The following SLC5A12 variants were observed in gnomAD, a reference collection of about 807,000 sequenced individuals.
SLC5A12 encodes the protein sodium-coupled monocarboxylate transporter 2.
A neutral mutation model predicts 72.7 loss-of-function variants in SLC5A12; 46 were observed. That is an observed-to-expected ratio of 0.63 (90% CI 0.50 to 0.81). The LOEUF is 0.81. SLC5A12 is among the 30% of genes least tolerant of loss of function. The pLI is 0.00. For missense variants in SLC5A12, 683 were observed against 740.7 expected, an observed-to-expected ratio of 0.92 and a Z score of 0.90; for synonymous variants, 275 against 264.4, an observed-to-expected ratio of 1.04 and a Z score of -0.39.
chr11:26,681,734 G>A (rs1275969361), intron 11 of SLC5A12, among the ~76,000 whole-genome samples: 1 of 151,982 alleles, frequency 6.6e-6, no homozygotes, highest in Non-Finnish European at 1.5e-5. Flanking sequence ...GTCATTTAAG[G>A]TTTATATTTC....
Position 26,708,339 on chromosome 11 carries a change from G to A in SLC5A12, c.525+973C>T, listed in dbSNP as rs1457054525. 3.9e-5 allele frequency among the ~76,000 whole-genome samples: 6 copies of A among 152,074 alleles called. No individual in the cohort carries two copies. In the East Asian group the frequency reaches 1.2e-3, roughly 30 times the overall value. ...GAGTCTATTCTTTTAGCATAGGTGG[G>A]AAGAGTTGAGTGTCTGGAATAGAAT... On this transcript the variant is annotated intron_variant, in intron 4 of 14. Coordinates refer to ENST00000396005, the MANE Select transcript of SLC5A12 (RefSeq NM_178498.4).
rs1426250708 is a variant in SLC5A12 at position 26,678,704 on chromosome 11, T to C, written c.1579+8A>G. 6 of 1,607,326 alleles carry C rather than the reference T, an allele frequency of 3.7e-6. No individual in the cohort carries two copies. Among genetic ancestry groups the C allele is most frequent in the Non-Finnish European group, 4.3e-6 (5 of 1,175,296 alleles). On this transcript the variant is annotated splice_region_variant and intron_variant, in intron 13 of 14. Coordinates refer to ENST00000396005, the MANE Select transcript of SLC5A12 (RefSeq NM_178498.4). The stretch of plus-strand genomic sequence containing the variant: ...TCTTTAGTCCCAAAGGGAGGAATTA[T>C]AACCAACCTGTTATGAGGCTGATGA...
In SLC5A12 at chr11:26,697,170, G is replaced by A. The variant is rs761426943; in HGVS notation, c.1034C>T (p.Thr345Ile). Residue 345 changes from threonine to isoleucine, a missense_variant, in exon 8 of 15, where the codon ACT becomes ATT. Physicochemically the swap from Thr to Ile is moderately conservative, Grantham distance 89 (BLOSUM62 -1). Transcript: ENST00000396005. ...TTGTTGTTGCTATACTAACCTCAGA[G>A]TTCCACTGAAGGCACAAGCCACAAA... ...GLFVACAFSG[T>I]LSTVASSINA... 1 of 1,612,802 alleles carries A rather than the reference G, an allele frequency of 6.2e-7. No individual in the cohort carries two copies. Among genetic ancestry groups the A allele is most frequent in the South Asian group, 1.1e-5 (1 of 90,926 alleles).
At chr11:26,709,050 A>T (rs1028111321) in intron 4 of SLC5A12, 2 of 322,206 alleles carry the variant, frequency 6.2e-6, no homozygotes, top group African/African-American at 4.3e-5. Context: ...TCTAATCAAG[A>T]AGACTTTTTC....
rs115137776 is a variant in SLC5A12, at chr11:26,711,337, C to A, written c.427G>T (p.Val143Leu). The A allele has an allele frequency of 2.4e-3, 3,902 of 1,611,812 alleles. 69 individuals are homozygous for A. In the African/African-American group the frequency reaches 0.043, roughly 18 times the overall value. The part of the protein sequence containing the change: ...VQTILYTGVV[V>L]YAPALALNQV... ...TTGAGTGCCAGGGCAGGAGCATACA[C>A]CACCACTCCTGTGTAGAGAATCTGG... Residue 143 changes from valine (V) to leucine (L), a missense_variant, in exon 3 of 15, where the codon GTG becomes TTG. Transcript: ENST00000396005.
At chr11:26,720,438 T>C (rs1376155973) in intron 1 of SLC5A12, among the ~76,000 whole-genome samples, 2 of 152,076 alleles carry the variant, frequency 1.3e-5, no homozygotes, top group East Asian at 3.8e-4. Flanking sequence ...GAGTGAATAG[T>C]CATAAAAATT....
intron 2 of SLC5A12, among the ~76,000 whole-genome samples, 195 bp downstream of exon 2, chr11:26,712,446 C>CT (rs529516038): frequency 6.6e-6 from 1 of 151,984 alleles, no homozygotes; most frequent in East Asian, 1.9e-4. Flanking sequence ...ACACAAACGG[C>CT]TTTTTTTCCC....
At chr11:26,693,264 G>T (rs886253850) in intron 8 of SLC5A12, among the ~76,000 whole-genome samples, 4 of 152,182 alleles carry the variant, frequency 2.6e-5, no homozygotes, top group Non-Finnish European at 4.4e-5. Flanking sequence ...GTGGGAAAAA[G>T]ATGTTGTAGG....
rs1293297036 is a variant in SLC5A12, at chr11:26,678,814, G to T, written c.1477C>A (p.Pro493Thr). 3.1e-6 allele frequency: 5 copies of T among 1,608,736 alleles called. No individual in the cohort carries two copies. The African/African-American group carries it at 4.0e-5, about 13-fold the overall frequency. Residue 493 changes from proline (P) to threonine (T), a missense_variant and splice_region_variant, in exon 13 of 15, where the codon CCT becomes ACT. By Grantham distance (38) the Pro-to-Thr change is conservative. Transcript: ENST00000396005. ...GAGTACCAGGTATCAGCTATTCCAG[G>T]TCTGTGGAGAACAGCACATGTCACC... ...ATGPPVLSSR[P>T]GIADTWYSIS...
Position 26,669,768 on chromosome 11 carries a change from A to T in SLC5A12, c.*1334T>A, listed in dbSNP as rs1332223718. ...AGAAATATTTAAAGACAACCTTTGG[A>T]TTTCCTTATCCTTGCCTATTTGGAC... is the stretch of plus-strand genomic sequence containing the variant. On this transcript the variant is annotated 3_prime_UTR_variant, in exon 15 of 15. Transcript: ENST00000396005. 3 of 151,986 alleles carry T rather than the reference A, an allele frequency of 2.0e-5. No individual in the cohort carries two copies. Among genetic ancestry groups the T allele is most frequent in the African/African-American group, 7.2e-5 (3 of 41,386 alleles). The allele number at this position is 151,986 out of a possible 1,614,324, so 9.4% of individuals were successfully genotyped here.
chr11:26,681,263 C>T (rs1165553464), intron 11 of SLC5A12, 42 bp from the exon 12 acceptor site: 3 of 1,485,110 alleles, frequency 2.0e-6, no homozygotes, highest in Non-Finnish European at 2.7e-6. Context: ...TTTGGCAAAG[C>T]TGTCTATGGA....
chr11:26,704,010 AG>A (rs1855026896), intron 4 of SLC5A12, 63 bp from the exon 5 acceptor site: 2 of 1,575,258 alleles, frequency 1.3e-6, no homozygotes, highest in Non-Finnish European at 8.7e-7. Flanking sequence ...GGCTCTGCAA[AG>A]CCTCTCTGCT....
intron 2 of SLC5A12, among the ~76,000 whole-genome samples, chr11:26,712,150 G>A (rs962682678): frequency 3.3e-5 from 5 of 152,028 alleles, no homozygotes; most frequent in African/African-American, 4.8e-5. Flanking sequence ...GGAGCAGCAT[G>A]AAGACATCCC....
chr11:26,712,360 T>G (rs531246237), intron 2 of SLC5A12, among the ~76,000 whole-genome samples: 107 of 152,134 alleles, frequency 7.0e-4, no homozygotes, highest in Middle Eastern at 6.8e-3. Flanking sequence ...CCATTTCATA[T>G]CTAATCTAGA....
chr11:26,711,410 A>T, intron 2 of SLC5A12, 52 bp from the exon 3 acceptor site: 1 of 1,420,128 alleles, frequency 7.0e-7, no homozygotes, highest in Non-Finnish European at 9.9e-7. Flanking sequence ...CATAGAAAGG[A>T]AAACTGCCTA....
chr11:26,700,817 G>T (rs561495139), intron 6 of SLC5A12, among the ~76,000 whole-genome samples: 1 of 152,144 alleles, frequency 6.6e-6, no homozygotes, highest in Non-Finnish European at 1.5e-5. Flanking sequence ...GTTGTCTTTG[G>T]TGACTAATCA....
intron 4 of SLC5A12, among the ~76,000 whole-genome samples, chr11:26,704,731 A>C (rs1855044782): frequency 6.6e-6 from 1 of 152,162 alleles, no homozygotes; most frequent in South Asian, 2.1e-4. Flanking sequence ...GGTAAAATCA[A>C]CATAACTTAG....
chr11:26,717,359 A>G (rs1254481847), intron 1 of SLC5A12, among the ~76,000 whole-genome samples: 1 of 152,204 alleles, frequency 6.6e-6, no homozygotes, highest in African/African-American at 2.4e-5. Context: ...CCAATATTAA[A>G]TTAGGTAAAT....
intron 6 of SLC5A12, among the ~76,000 whole-genome samples, chr11:26,699,470 C>T (rs1854906917): frequency 6.6e-6 from 1 of 152,162 alleles, no homozygotes; most frequent in Non-Finnish European, 1.5e-5. Flanking sequence ...GCAAATACGC[C>T]AGATAATTAT....
Sources: allele counts gnomAD v4.1 joint callset (sites outside exome capture counted in the v4.1 genomes callset), GRCh38; gene constraint gnomAD v4.1.1; transcripts MANE v1.5; gene names NCBI Gene and HGNC (gene_info 2026-07-23, HGNC 2026-07-21).